RFX3: variants seen among roughly 807,000 people sequenced by gnomAD.
The protein encoded by RFX3 is regulatory factor X3.
RFX3 carries 14 observed loss-of-function variants against 98.6 expected under a neutral mutation model. That is an observed-to-expected ratio of 0.14 (90% CI 0.09 to 0.22). The LOEUF is 0.22. RFX3 is among the 10% of genes least tolerant of loss of function. The pLI, the probability that RFX3 is intolerant of heterozygous loss-of-function variation, is 1.00. For synonymous variants in RFX3, 383 were observed against 328.4 expected (o/e 1.17, Z -1.80); for missense variants, 639 against 926.9 (o/e 0.69, Z 4.03).
chr9:3,484,102 A>G (rs1445894493), intron 1 of RFX3, among the ~76,000 whole-genome samples: 1 of 152,246 alleles, frequency 6.6e-6, no homozygotes, highest in African/African-American at 2.4e-5. Flanking sequence ...TGTAGGATAT[A>G]TAAAGACCTT....
chr9:3,392,790 T>C (rs1840447343), intron 2 of RFX3, among the ~76,000 whole-genome samples: 2 of 152,068 alleles, frequency 1.3e-5, no homozygotes, highest in Non-Finnish European at 2.9e-5. Flanking sequence ...GGCTTGTCCA[T>C]GGCAATCCTG....
At chr9:3,426,568 A>G (rs1163863640) in intron 1 of RFX3, among the ~76,000 whole-genome samples, 1 of 152,034 alleles carries the variant, frequency 6.6e-6, no homozygotes, top group African/African-American at 2.4e-5. Context: ...CTTCATCTCT[A>G]TTTACAGCCA....
chr9:3,298,147 A>G (rs968689811), intron 5 of RFX3, among the ~76,000 whole-genome samples: 31 of 151,992 alleles, frequency 2.0e-4, no homozygotes, highest in Middle Eastern at 3.4e-3. Flanking sequence ...AACCAAATCT[A>G]AAGTACCATT....
chr9:3,462,456 G>A lies in RFX3; in HGVS notation c.-9+63291C>T, dbSNP rs144207572. On this transcript the variant is annotated intron_variant, in intron 1 of 16. Transcript: ENST00000617270. ...GCTAACATTATACTTAATAGGGAAG[G>A]ACTGAATATTTTCTTTCTAATATAA... Among the ~76,000 whole-genome samples, 90 of 152,078 alleles carry A rather than the reference G, an allele frequency of 5.9e-4. 1 individual carries two copies. The highest frequency in any genetic ancestry group is 2.6e-3 in the Admixed American group (40 of 15,276).
At chr9:3,428,934 T>C (rs773670942) in intron 1 of RFX3, among the ~76,000 whole-genome samples, 9 of 152,026 alleles carry the variant, frequency 5.9e-5, no homozygotes, top group Non-Finnish European at 1.3e-4. Context: ...TTAGGCACAG[T>C]GCCAAGGGCC....
At chr9:3,375,777 G>A (rs561579725) in intron 2 of RFX3, among the ~76,000 whole-genome samples, 2 of 151,992 alleles carry the variant, frequency 1.3e-5, no homozygotes, top group African/African-American at 4.8e-5. Context: ...TGGCTAACAC[G>A]GTGAAACCCC....
intron 1 of RFX3, chr9:3,524,446 G>A: frequency 1.2e-6 from 1 of 867,754 alleles, no homozygotes; most frequent in Non-Finnish European, 1.4e-6. Context: ...CACATGCCTA[G>A]ATCTTAACCA....
intron 2 of RFX3, among the ~76,000 whole-genome samples, chr9:3,354,316 C>T (rs1343272576): frequency 3.3e-5 from 5 of 151,786 alleles, no homozygotes; most frequent in Non-Finnish European, 7.4e-5. Flanking sequence ...GCCAAAGTTG[C>T]AGGATCCACT....
At chr9:3,390,548 C>T (rs1243757977) in intron 2 of RFX3, among the ~76,000 whole-genome samples, 1 of 151,990 alleles carries the variant, frequency 6.6e-6, no homozygotes, top group Non-Finnish European at 1.5e-5. Flanking sequence ...CCCACCCAAG[C>T]CTCATCTTGA....
In RFX3 at chr9:3,480,673, G is replaced by A. The variant is rs554523645; in HGVS notation, c.-9+45074C>T. Among the ~76,000 whole-genome samples, 19 of 152,250 alleles carry A rather than the reference G, an allele frequency of 1.2e-4. 1 individual carries two copies. The highest frequency in any genetic ancestry group is 3.9e-4 in the East Asian group (2 of 5,180). On this transcript the variant is annotated intron_variant, in intron 1 of 16. Coordinates refer to ENST00000617270, the MANE Select transcript of RFX3 (RefSeq NM_001282116.2). ...TTTCCCACAATGAGAGTCAATCTAC[G>A]TTCACCAGGAATCTTAATTATAAGT...
intron 3 of RFX3, chr9:3,344,898 A>T (rs780273255): frequency 1.4e-6 from 1 of 701,524 alleles, no homozygotes; most frequent in African/African-American, 1.8e-5. Flanking sequence ...ACAAATAAGT[A>T]GAGTGAAAAA....
chr9:3,275,465 T>C (rs1224929563), intron 9 of RFX3, 35 bp downstream of exon 9: 1 of 1,216,086 alleles, frequency 8.2e-7, no homozygotes, highest in Non-Finnish European at 1.2e-6. Flanking sequence ...TGGCAAAACC[T>C]AGCATGTGTT....
intron 11 of RFX3, among the ~76,000 whole-genome samples, chr9:3,266,929 G>T (rs1278715664): frequency 6.6e-6 from 1 of 151,946 alleles, no homozygotes; most frequent in African/African-American, 2.4e-5. Context: ...TGCTGTTACG[G>T]AAACCCGTAT....
chr9:3,318,549 A>T (rs1053968601), intron 4 of RFX3, among the ~76,000 whole-genome samples: 8 of 105,092 alleles, frequency 7.6e-5, no homozygotes, highest in African/African-American at 1.2e-4. Context: ...AATTAAAATT[A>T]AAAAAAAAAA....
At chr9:3,391,189 T>G (rs748558786) in intron 2 of RFX3, among the ~76,000 whole-genome samples, 1 of 152,054 alleles carries the variant, frequency 6.6e-6, no homozygotes, top group Non-Finnish European at 1.5e-5. Context: ...TAGCAGCACA[T>G]TAACAATTCA....
intron 4 of RFX3, among the ~76,000 whole-genome samples, chr9:3,307,127 G>C (rs1429558902): frequency 6.6e-6 from 1 of 152,102 alleles, no homozygotes; most frequent in Non-Finnish European, 1.5e-5. Flanking sequence ...CTTGCCTTCT[G>C]CCATGACTGT....
chr9:3,493,498 C>T (rs1587852792), intron 1 of RFX3, among the ~76,000 whole-genome samples: 1 of 151,744 alleles, frequency 6.6e-6, no homozygotes, highest in Admixed American at 6.6e-5. Context: ...TTCTGGCTAA[C>T]ATGGTGAAAC....
chr9:3,441,142 CAA>C (rs1845571805), intron 1 of RFX3, among the ~76,000 whole-genome samples: 1 of 152,118 alleles, frequency 6.6e-6, no homozygotes, highest in African/African-American at 2.4e-5. Flanking sequence ...TGGGTTTGTA[CAA>C]CCAAGTAAAT....
intron 1 of RFX3, among the ~76,000 whole-genome samples, chr9:3,398,914 T>TAAAAAAAAAAAAA (rs71324247): frequency 2.1e-4 from 14 of 67,546 alleles, no homozygotes; most frequent in South Asian, 6.5e-4. Flanking sequence ...TAGAGTATAA[T>TAAAAAAAAAAAAA]AAAAAAAAAA....
Sources: allele counts gnomAD v4.1 joint callset (sites outside exome capture counted in the v4.1 genomes callset), GRCh38; gene constraint gnomAD v4.1.1; transcripts MANE v1.5; gene names NCBI Gene and HGNC (gene_info 2026-07-23, HGNC 2026-07-21).